The following SMAP1 variants were observed in gnomAD, a reference collection of about 807,000 sequenced individuals.
SMAP1 encodes stromal membrane-associated protein 1.
In SMAP1, 24 loss-of-function variants were observed where a neutral mutation model predicts 58.5. The ratio of observed to expected loss-of-function variants is 0.41; its 90% confidence interval spans 0.30 to 0.58. The LOEUF is 0.58. SMAP1 is among the 20% of genes least tolerant of loss of function. The pLI is 0.29. For synonymous variants in SMAP1, 216 were observed against 196.6 expected, an observed-to-expected ratio of 1.10 and a Z score of -0.82; for missense variants, 563 against 566.3, an observed-to-expected ratio of 0.99 and a Z score of 0.06.
intron 6 of SMAP1, among the ~76,000 whole-genome samples, chr6:70,802,328 G>A (rs1382420511): frequency 6.6e-6 from 1 of 152,068 alleles, no homozygotes; most frequent in Non-Finnish European, 1.5e-5. Flanking sequence ...TGTTGTATTG[G>A]AATGCTTGTG....
intron 2 of SMAP1, among the ~76,000 whole-genome samples, chr6:70,746,927 T>C (rs532021763): frequency 1.3e-5 from 2 of 152,318 alleles, no homozygotes; most frequent in Middle Eastern, 3.4e-3. Flanking sequence ...TATTTGGAGA[T>C]AGGGGCTTAA....
intron 7 of SMAP1, among the ~76,000 whole-genome samples, chr6:70,842,697 G>C (rs1770846844): frequency 6.6e-6 from 1 of 152,146 alleles, no homozygotes; most frequent in Non-Finnish European, 1.5e-5. Context: ...GAAATCGGGA[G>C]ACACGGTGGT....
At chr6:70,727,924 G>A (rs551974022) in intron 1 of SMAP1, among the ~76,000 whole-genome samples, 8 of 152,254 alleles carry the variant, frequency 5.3e-5, no homozygotes, top group Admixed American at 1.3e-4. Flanking sequence ...TTAGCTGGGC[G>A]TGGTGGTATG....
At chr6:70,826,934 CAAAAAAAAAAAAA>C (rs61069311) in intron 6 of SMAP1, among the ~76,000 whole-genome samples, 4 of 76,630 alleles carry the variant, frequency 5.2e-5, no homozygotes, top group Admixed American at 1.8e-4. Flanking sequence ...AACCGTGTCT[CAAAAAAAAAAAAA>C]AAAAAAAAAA....
At chr6:70,810,250 G>A (rs1769329524) in intron 6 of SMAP1, among the ~76,000 whole-genome samples, 1 of 152,108 alleles carries the variant, frequency 6.6e-6, no homozygotes, top group Admixed American at 6.6e-5. Context: ...GGATCCTTCT[G>A]TCTCAGCCTT....
chr6:70,839,837 C>T (rs770144967), intron 7 of SMAP1, among the ~76,000 whole-genome samples: 4 of 152,034 alleles, frequency 2.6e-5, no homozygotes, highest in Non-Finnish European at 4.4e-5. Flanking sequence ...TTTAAAAAAG[C>T]TATGTTTCAG....
intron 6 of SMAP1, among the ~76,000 whole-genome samples, chr6:70,818,428 G>A (rs1355710015): frequency 6.6e-6 from 1 of 152,008 alleles, no homozygotes; most frequent in Non-Finnish European, 1.5e-5. Flanking sequence ...CCTATTTCTG[G>A]GGTTTTCATA....
At chr6:70,778,012 A>G (rs1344320402) in intron 4 of SMAP1, among the ~76,000 whole-genome samples, 1 of 152,122 alleles carries the variant, frequency 6.6e-6, no homozygotes, top group Non-Finnish European at 1.5e-5. Context: ...TCGGGCTCCC[A>G]AAGTGCTGGG....
At chr6:70,761,128 A>G (rs1766729562) in intron 3 of SMAP1, among the ~76,000 whole-genome samples, 1 of 152,056 alleles carries the variant, frequency 6.6e-6, no homozygotes, top group Admixed American at 6.6e-5. Flanking sequence ...TTCAAATGGT[A>G]TATTTTTAAA....
At position 70,787,145 on chromosome 6, in the gene SMAP1, G is replaced by A. The variant is rs370292405; in HGVS notation, c.415-4544G>A. Among the ~76,000 whole-genome samples the A allele has an allele frequency of 1.1e-4, 16 of 152,120 alleles. No homozygotes were observed. In the East Asian group the frequency reaches 2.3e-3, roughly 22 times the overall value. On this transcript the variant is annotated intron_variant, in intron 4 of 10. Transcript: ENST00000370455. ...GAACAGAGGCCTCAGAAATAATGCCGCATATCTACAACTATCTGATCTTTG... is the reference window on the plus strand; with the variant it reads ...GAACAGAGGCCTCAGAAATAATGCCACATATCTACAACTATCTGATCTTTG...
intron 6 of SMAP1, among the ~76,000 whole-genome samples, chr6:70,836,078 G>A (rs946240411): frequency 1.3e-5 from 2 of 152,158 alleles, no homozygotes; most frequent in African/African-American, 4.8e-5. Flanking sequence ...TGGATGATGG[G>A]CTAACAGTGT....
intron 6 of SMAP1, among the ~76,000 whole-genome samples, chr6:70,804,041 T>G (rs1768997946): frequency 6.6e-6 from 1 of 152,166 alleles, no homozygotes; most frequent in South Asian, 2.1e-4. Flanking sequence ...CCTGGATATC[T>G]TTGTTAACCT....
At chr6:70,758,587 CAT>C (rs1242956413) in intron 3 of SMAP1, among the ~76,000 whole-genome samples, 1 of 151,862 alleles carries the variant, frequency 6.6e-6, no homozygotes, top group African/African-American at 2.4e-5. Context: ...ACATTAGAAA[CAT>C]TAACTTCCAC....
intron 1 of SMAP1, among the ~76,000 whole-genome samples, chr6:70,686,722 A>C (rs1766950795): frequency 6.6e-6 from 1 of 152,236 alleles, no homozygotes; most frequent in Non-Finnish European, 1.5e-5. Flanking sequence ...GTTTTATAAC[A>C]TATATCTGCC....
At chr6:70,780,114 C>A (rs563553092) in intron 4 of SMAP1, among the ~76,000 whole-genome samples, 8 of 152,186 alleles carry the variant, frequency 5.3e-5, no homozygotes, top group East Asian at 1.9e-4. Context: ...TTACCACAGT[C>A]CTGCCCACAA....
Position 70,763,837 on chromosome 6 carries a change from C to G in SMAP1, c.338+8772C>G, listed in dbSNP as rs180736263. ...TTAACAAAGCTTTAACTCTTCAGTT[C>G]TGTGAAGGCTGAGAGTGATGAGGAA... is the stretch of plus-strand genomic sequence containing the variant. On this transcript the variant is annotated intron_variant, in intron 3 of 10. Coordinates refer to ENST00000370455, the MANE Select transcript of SMAP1 (RefSeq NM_001044305.3). Among the ~76,000 whole-genome samples, 240 of 152,264 alleles carry G rather than the reference C, an allele frequency of 1.6e-3. 1 individual carries two copies. The highest frequency in any genetic ancestry group is 5.5e-3 in the African/African-American group (230 of 41,570).
chr6:70,859,047 T>C, intron 10 of SMAP1: 1 of 234,968 alleles, frequency 4.3e-6, no homozygotes, highest in South Asian at 1.1e-4. Context: ...CTCCAGCATT[T>C]TGGCAATCTT....
chr6:70,793,644 T>TAGAGAGAGAGAGAGAGAGAG (rs70990334), intron 5 of SMAP1, among the ~76,000 whole-genome samples: 25 of 140,344 alleles, frequency 1.8e-4, no homozygotes, highest in African/African-American at 4.8e-4. Flanking sequence ...GGAGAGTAGT[T>TAGAGAGAGAGAGAGAGAGAG]AGAGAGAGAG....
chr6:70,858,285 ATCTTTTTTTT>A, intron 10 of SMAP1, 56 bp downstream of exon 10: 102 of 1,019,650 alleles, frequency 1.0e-4, no homozygotes, highest in Non-Finnish European at 1.3e-4. Context: ...TATTTTCTAA[ATCTTTTTTTT>A]TTTTTTTTTT....
Sources: gnomAD v4.1 joint callset for allele counts (sites outside exome capture counted in the v4.1 genomes callset) on GRCh38, gnomAD v4.1.1 for gene constraint, MANE v1.5 for transcripts, NCBI Gene and HGNC (gene_info 2026-07-23, HGNC 2026-07-21) for gene names.